FAM83B: variants seen among roughly 807,000 people sequenced by gnomAD.
FAM83B encodes protein FAM83B.
Under a neutral mutation model 38.8 loss-of-function variants are expected in FAM83B, and 26 were observed. The ratio of observed to expected loss-of-function variants is 0.67; its 90% CI spans 0.49 to 0.93. The LOEUF (loss-of-function observed/expected upper bound fraction) is 0.93, where lower values mean the gene tolerates loss of function less well. Ranked by LOEUF, FAM83B falls within the 40% of genes least tolerant of loss-of-function variation. FAM83B has a pLI of 0.00. For synonymous variants in FAM83B, 419 were observed against 423.1 expected (o/e 0.99, Z 0.12); for missense variants, 1,237 against 1,197.3 (o/e 1.03, Z -0.49).
intron 2 of FAM83B, among the ~76,000 whole-genome samples, chr6:54,871,285 T>A (rs1003070765): frequency 2.0e-5 from 3 of 152,106 alleles, no homozygotes; most frequent in African/African-American, 7.2e-5. Context: ...CTCACAGATC[T>A]TATTTTAGAA....
At chr6:54,858,625 AC>A (rs1181477229) in intron 1 of FAM83B, among the ~76,000 whole-genome samples, 1 of 152,230 alleles carries the variant, frequency 6.6e-6, no homozygotes, top group African/African-American at 2.4e-5. Flanking sequence ...TACCAGAAAC[AC>A]AAGAAAAAAT....
In FAM83B at chr6:54,881,157, A is replaced by G. The variant is rs1581897287; in HGVS notation, c.444+10467A>G. 2.0e-5 allele frequency among the ~76,000 whole-genome samples: 3 copies of G among 152,314 alleles called. No homozygotes were observed. The East Asian group carries it at 5.8e-4, about 29-fold the overall frequency. The stretch of plus-strand genomic sequence containing the variant: ...ATTTAAAAACACTAAGATTGACTAG[A>G]TGGCAGTCTGCTTTTGAGAGCATGT... On this transcript the variant is annotated intron_variant, in intron 2 of 4. Transcript: ENST00000306858.
chr6:54,909,801 G>T (rs912509860), intron 2 of FAM83B, among the ~76,000 whole-genome samples: 2 of 152,132 alleles, frequency 1.3e-5, no homozygotes, highest in African/African-American at 4.8e-5. Context: ...TAGGCTCGGA[G>T]AATTGGCAAA....
At chr6:54,865,533 C>T (rs1363970384) in intron 1 of FAM83B, among the ~76,000 whole-genome samples, 1 of 152,146 alleles carries the variant, frequency 6.6e-6, no homozygotes, top group Non-Finnish European at 1.5e-5. Context: ...TAGTGCAACT[C>T]ATAAAGCATT....
At chr6:54,903,177 T>A (rs1772700724) in intron 2 of FAM83B, among the ~76,000 whole-genome samples, 1 of 152,222 alleles carries the variant, frequency 6.6e-6, no homozygotes, top group Non-Finnish European at 1.5e-5. Flanking sequence ...ATTATATACG[T>A]GTACCATAAT....
Position 54,933,307 on chromosome 6 carries a change from T to C in FAM83B, c.734+5675T>C, listed in dbSNP as rs1773462378. Among the ~76,000 whole-genome samples, 4 of 152,128 alleles carry C rather than the reference T, an allele frequency of 2.6e-5. No homozygotes were observed. The South Asian group carries it at 8.3e-4, about 31-fold the overall frequency. On this transcript the variant is annotated intron_variant, in intron 4 of 4. Coordinates refer to ENST00000306858, the MANE Select transcript of FAM83B (RefSeq NM_001010872.3). The stretch of plus-strand genomic sequence containing the variant: ...AGAATTTCCTTTTAGTTTTATTTTA[T>C]AGTTTATCTTTGTTGATATTCTCAT...
In FAM83B at chr6:54,944,158, A is replaced by C. The variant is rs1395862703; in HGVS notation, c.*2151A>C. On this transcript the variant is annotated 3_prime_UTR_variant, in exon 5 of 5. Transcript: ENST00000306858. ...AAGTCTCTGTGGCCAAAACCTCTCC[A>C]GGGATAAGACTGAGCAAGAATATAA... 2 of 152,200 alleles carry C rather than the reference A, an allele frequency of 1.3e-5. No homozygotes were observed. The highest frequency in any genetic ancestry group is 2.4e-5 in the African/African-American group (1 of 41,450). 9.4% of individuals were successfully genotyped at this position (152,200 alleles called of 1,614,324 possible). A position where few individuals can be genotyped will look rare whatever the true frequency, so the allele number is the denominator to read the frequency against.
chr6:54,938,027 C>A (rs545083524), intron 4 of FAM83B, among the ~76,000 whole-genome samples: 1 of 152,112 alleles, frequency 6.6e-6, no homozygotes, highest in East Asian at 1.9e-4. Context: ...ACCCCTCACC[C>A]CTCTCCTACC....
rs1503150 is a variant in FAM83B, at chr6:54,928,641, C to T, written c.734+1009C>T. On this transcript the variant is annotated intron_variant, in intron 4 of 4. Coordinates refer to ENST00000306858, the MANE Select transcript of FAM83B (RefSeq NM_001010872.3). Reference sequence around the variant, plus strand: ...GAAAATACAGCTAGTGCTTGAAATTCGTGAGTCCTTTTAAAGACTCATTAT... The same window carrying T: ...GAAAATACAGCTAGTGCTTGAAATTTGTGAGTCCTTTTAAAGACTCATTAT... 3.2e-3 allele frequency among the ~76,000 whole-genome samples: 485 copies of T among 152,000 alleles called. 1 individual carries two copies. Among genetic ancestry groups the T allele is most frequent in the African/African-American group, 0.011 (460 of 41,446 alleles).
intron 1 of FAM83B, among the ~76,000 whole-genome samples, chr6:54,868,121 G>A (rs6918402): frequency 0.4 from 60,503 of 151,932 alleles, 13,541 homozygotes; most frequent in Non-Finnish European, 0.51. Flanking sequence ...ATGTGCAAAA[G>A]AGAACTTCAA....
intron 2 of FAM83B, among the ~76,000 whole-genome samples, chr6:54,914,343 A>G (rs144630380): frequency 7.9e-4 from 120 of 152,330 alleles, no homozygotes; most frequent in African/African-American, 2.8e-3. Flanking sequence ...ATAATAAAAA[A>G]TAACCTATTT....
intron 2 of FAM83B, among the ~76,000 whole-genome samples, chr6:54,919,853 C>G (rs1773131551): frequency 2.6e-5 from 4 of 151,766 alleles, no homozygotes; most frequent in African/African-American, 7.3e-5. Flanking sequence ...ACTTTTGGAA[C>G]CGGGTACATG....
At chr6:54,862,877 C>G (rs940375261) in intron 1 of FAM83B, among the ~76,000 whole-genome samples, 19 of 151,572 alleles carry the variant, frequency 1.3e-4, no homozygotes, top group South Asian at 6.3e-4. Context: ...AAACCCCCCC[C>G]CAAAAAAACC....
intron 2 of FAM83B, among the ~76,000 whole-genome samples, chr6:54,889,357 A>G (rs1480585737): frequency 6.6e-6 from 1 of 152,070 alleles, no homozygotes; most frequent in African/African-American, 2.4e-5. Flanking sequence ...TGCAGTGCAC[A>G]TAAAGAAACA....
intron 1 of FAM83B, among the ~76,000 whole-genome samples, chr6:54,862,840 C>T (rs1259954513): frequency 1.3e-5 from 2 of 151,368 alleles, no homozygotes; most frequent in African/African-American, 2.4e-5. Flanking sequence ...GCCGAGATCG[C>T]GCCATTGCAC....
intron 2 of FAM83B, among the ~76,000 whole-genome samples, chr6:54,889,795 G>C (rs894195723): frequency 2.6e-5 from 4 of 152,046 alleles, no homozygotes; most frequent in Non-Finnish European, 4.4e-5. Context: ...TGAACTCCAA[G>C]TTGTTGATAC....
At chr6:54,859,495 T>C (rs529364298) in intron 1 of FAM83B, among the ~76,000 whole-genome samples, 115 of 152,346 alleles carry the variant, frequency 7.5e-4, no homozygotes, top group African/African-American at 2.7e-3. Flanking sequence ...TTACTGAGCA[T>C]TTAGAATTGT....
chr6:54,879,709 T>C (rs114122815), intron 2 of FAM83B, among the ~76,000 whole-genome samples: 1 of 152,154 alleles, frequency 6.6e-6, no homozygotes, highest in African/African-American at 2.4e-5. Flanking sequence ...AAGAGAATAG[T>C]GGGAAGTCAT....
At chr6:54,894,455 G>T (rs1474248162) in intron 2 of FAM83B, among the ~76,000 whole-genome samples, 1 of 152,092 alleles carries the variant, frequency 6.6e-6, no homozygotes, top group Non-Finnish European at 1.5e-5. Context: ...TAACATATTT[G>T]TGTGATGTCT....
Sources: allele counts gnomAD v4.1 joint callset (sites outside exome capture counted in the v4.1 genomes callset), GRCh38; gene constraint gnomAD v4.1.1; transcripts MANE v1.5; gene names NCBI Gene and HGNC (gene_info 2026-07-23, HGNC 2026-07-21).